Variants in SIGLEC1 observed in about 807,000 individuals in gnomAD.
The protein encoded by SIGLEC1 is sialoadhesin.
A neutral mutation model predicts 148.0 loss-of-function variants in SIGLEC1; 132 were observed. The ratio of observed to expected loss-of-function variants is 0.89; its 90% confidence interval spans 0.77 to 1.03. The LOEUF (loss-of-function observed/expected upper bound fraction) is 1.03, where lower values mean the gene tolerates loss of function less well. SIGLEC1 is among the 50% of genes least tolerant of loss of function. The probability of loss-of-function intolerance (pLI) is 0.00; values close to 1 mark genes in which losing one functional copy is unlikely to be tolerated. For synonymous variants in SIGLEC1, 945 were observed against 969.0 expected, an observed-to-expected ratio of 0.98 and a Z score of 0.46; for missense variants, 2,253 against 2,271.4, an observed-to-expected ratio of 0.99 and a Z score of 0.16.
At position 3,701,506 on chromosome 20, in the gene SIGLEC1, G is replaced by T. The variant is rs530547961; in HGVS notation, c.1364C>A (p.Thr455Asn). The T allele has an allele frequency of 2.5e-6, 4 of 1,614,070 alleles. No homozygotes were observed. The East Asian group carries it at 8.9e-5, about 36-fold the overall frequency. Residue 455 changes from threonine (T) to asparagine (N), a missense_variant, in exon 7 of 22, where the codon ACC (threonine) becomes AAC (asparagine). Coordinates refer to ENST00000344754, the MANE Select transcript of SIGLEC1 (RefSeq NM_023068.4). ...TGGGCTGTGATCACTGTCCCCGGAG[G>T]TGGAGGCCAGGATATGACCCCCATG... ...LSHGGHILAS[T>N]SGDSDHSPRF...
intron 1 of SIGLEC1, among the ~76,000 whole-genome samples, chr20:3,711,567 G>A (rs2146535070): frequency 6.6e-6 from 1 of 152,320 alleles, no homozygotes; most frequent in East Asian, 1.9e-4. Flanking sequence ...AACACAGGGT[G>A]ACATGGCCAG....
chr20:3,704,235 C>T (rs530482779), intron 4 of SIGLEC1, 144 bp from the exon 5 acceptor site: 50 of 767,390 alleles, frequency 6.5e-5, no homozygotes, highest in Non-Finnish European at 1.0e-4. Flanking sequence ...TCACCCAGGG[C>T]ATGCTCTGTC....
Position 3,688,398 on chromosome 20 carries a change from G to T in SIGLEC1, c.*162C>A, listed in dbSNP as rs147888985. The T allele has an allele frequency of 2.6e-5, 18 of 690,262 alleles. No individual in the cohort carries two copies. The highest frequency in any genetic ancestry group is 2.5e-4 in the East Asian group (9 of 35,648). 42.8% of individuals were successfully genotyped at this position (690,262 alleles called of 1,614,324 possible). A position where few individuals can be genotyped will look rare whatever the true frequency, so the allele number is the denominator to read the frequency against. On this transcript the variant is annotated 3_prime_UTR_variant, in exon 22 of 22. Transcript: ENST00000344754. ...GGCAGACCTCTCACCACCCATTTTT[G>T]GGGGGGCAAGAGGCTTGGGGCCAGG... is the stretch of plus-strand genomic sequence containing the variant.
intron 11 of SIGLEC1, among the ~76,000 whole-genome samples, chr20:3,695,694 G>T (rs887649217): frequency 6.6e-6 from 1 of 152,142 alleles, no homozygotes; most frequent in African/African-American, 2.4e-5. Flanking sequence ...CAGAACCAAG[G>T]CTCAAAGTAA....
rs201059549 is a variant in SIGLEC1, at chr20:3,697,781, T to C, written c.2122+17A>G. On this transcript the variant is annotated intron_variant, in intron 9 of 21. Coordinates refer to ENST00000344754, the MANE Select transcript of SIGLEC1 (RefSeq NM_023068.4). ...CCAGCCCCTGCCCCCAGGCCACCCA[T>C]TCCCTGCCTGACTCACCCTGGCCAT... 1,152 of 1,610,210 alleles carry C rather than the reference T, an allele frequency of 7.2e-4. 2 individuals are homozygous for C. In the African/African-American group the frequency reaches 0.013, roughly 18 times the overall value.
At position 3,692,000 on chromosome 20, in the gene SIGLEC1, C is replaced by T. The variant is rs35964604; in HGVS notation, c.4233G>A (p.Leu1411=). 0.028 allele frequency: 45,362 copies of T among 1,613,360 alleles called. 810 individuals carry two copies. Among genetic ancestry groups the T allele is most frequent in the African/African-American group, 0.055 (4,145 of 75,058 alleles). ...HVQVARNALR[L]QVQDVPAGDD... ...CACCTGCAGGCACATCTTGCACCTGCAGCCGTAGGGCGTTTCGGGCCACCT... is the reference window on the plus strand; with the variant it reads ...CACCTGCAGGCACATCTTGCACCTGTAGCCGTAGGGCGTTTCGGGCCACCT... The change falls in exon 17 of 22, where the codon CTG becomes CTA. Residue 1411 remains leucine, a synonymous_variant. Transcript: ENST00000344754.
At position 3,687,583 on chromosome 20, in the gene SIGLEC1, A is replaced by G. The variant is rs1226792512; in HGVS notation, c.*977T>C. The G allele has an allele frequency of 6.6e-6, 1 of 152,200 alleles. No homozygotes were observed. Among genetic ancestry groups the G allele is most frequent in the Admixed American group, 6.5e-5 (1 of 15,276 alleles). The allele number at this position is 152,200 out of a possible 1,614,324, so 9.4% of individuals were successfully genotyped here. A position where few individuals can be genotyped will look rare whatever the true frequency, so the allele number is the denominator to read the frequency against. On this transcript the variant is annotated 3_prime_UTR_variant, in exon 22 of 22. Transcript: ENST00000344754. Reference sequence around the variant, plus strand: ...ATGCTCTCTCCCTAGGAAAACACCAAACCTTTTTTATTTCCTCAGTCTTAG... The same window carrying G: ...ATGCTCTCTCCCTAGGAAAACACCAGACCTTTTTTATTTCCTCAGTCTTAG...
chr20:3,712,367 C>A (rs1458592605), intron 1 of SIGLEC1, among the ~76,000 whole-genome samples, 103 bp downstream of exon 1: 3 of 150,914 alleles, frequency 2.0e-5, no homozygotes, highest in Admixed American at 1.3e-4. Flanking sequence ...CAGATGGAGC[C>A]CCCCCCCGAC....
intron 1 of SIGLEC1, among the ~76,000 whole-genome samples, chr20:3,711,796 C>G (rs1600294244): frequency 2.0e-5 from 3 of 152,324 alleles, no homozygotes; most frequent in Admixed American, 6.5e-5. Flanking sequence ...CTGGAGTGCT[C>G]ACTCTCCAAA....
chr20:3,692,863 C>T lies in SIGLEC1; in HGVS notation c.3777G>A (p.Glu1259=). 1 of 1,608,238 alleles carries T rather than the reference C, an allele frequency of 6.2e-7. No individual in the cohort carries two copies. The highest frequency in any genetic ancestry group is 8.5e-7 in the Non-Finnish European group (1 of 1,178,116). Residue 1259 remains glutamate (E), a splice_region_variant and synonymous_variant, in exon 15 of 22, where the codon GAG becomes GAA. Coordinates refer to ENST00000344754, the MANE Select transcript of SIGLEC1 (RefSeq NM_023068.4). Reference sequence around the variant, plus strand: ...GGCTTGGCCTAGGCCCTGCCTTACCCTCCAGCCGCAGCTCCAGGGACGTGT... The same window carrying T: ...GGCTTGGCCTAGGCCCTGCCTTACCTTCCAGCCGCAGCTCCAGGGACGTGT... ...QANTSLELRL[E]GVRVILAPEA...
At chr20:3,688,740 A>T in intron 21 of SIGLEC1, 121 bp from the exon 22 acceptor site, 1 of 727,856 alleles carries the variant, frequency 1.4e-6, no homozygotes, top group Non-Finnish European at 2.3e-6. Context: ...TGGAAGTGTG[A>T]CTTGGAGCCC....
At position 3,693,377 on chromosome 20, in the gene SIGLEC1, C is replaced by T. The variant is rs573012751; in HGVS notation, c.3508+70G>A. The T allele has an allele frequency of 6.5e-4, 974 of 1,488,508 alleles. 11 individuals are homozygous for T. The East Asian group carries it at 0.013, about 19-fold the overall frequency. The allele number at this position is 1,488,508 out of a possible 1,614,324, so 92.2% of individuals were successfully genotyped here. On this transcript the variant is annotated intron_variant, in intron 14 of 21. Transcript: ENST00000344754. ...TCCCCACTGGACACCTGTCGGGTTC[C>T]GGCCATGCCGTGATCCCTGTGGGCT...
At chr20:3,689,077 T>A in intron 21 of SIGLEC1, 78 bp downstream of exon 21, 3 of 1,255,150 alleles carry the variant, frequency 2.4e-6, no homozygotes, top group Non-Finnish European at 3.5e-6. Context: ...ATCCTCTAAA[T>A]GACAGCAGTC....
intron 6 of SIGLEC1, 109 bp from the exon 7 acceptor site, chr20:3,701,750 G>T: frequency 9.5e-7 from 1 of 1,051,134 alleles, no homozygotes. Flanking sequence ...TGCCCTGTGA[G>T]AAGGGGGTGA....
rs1465535792 is a variant in SIGLEC1 at position 3,697,383 on chromosome 20, C to G, written c.2123-41G>C. The G allele has an allele frequency of 5.0e-6, 8 of 1,607,960 alleles. No individual in the cohort carries two copies. The African/African-American group carries it at 1.1e-4, about 21-fold the overall frequency. On this transcript the variant is annotated intron_variant, in intron 9 of 21. Coordinates refer to ENST00000344754, the MANE Select transcript of SIGLEC1 (RefSeq NM_023068.4). ...CACAGCTTACTGACCACCCCCGGCC[C>G]CCAGGAGCCAGGGGTCCAGCCGCCC...
chr20:3,705,804 G>T lies in SIGLEC1; in HGVS notation c.646C>A (p.Arg216Ser), dbSNP rs772610881. Residue 216 changes from arginine (R) to serine (S), a missense_variant, in exon 4 of 22, where the codon CGC becomes AGC. Coordinates refer to ENST00000344754, the MANE Select transcript of SIGLEC1 (RefSeq NM_023068.4). The stretch of plus-strand genomic sequence containing the variant: ...TGATTGGCCACGGAGAGCTGGCAGC[G>T]CAGGATCCGGCCGTGGTCCTGCCAG... ...MSWQDHGRIL[R>S]CQLSVANHRA... 1.2e-6 allele frequency: 2 copies of T among 1,613,882 alleles called. No individual in the cohort carries two copies. Among genetic ancestry groups the T allele is most frequent in the South Asian group, 1.1e-5 (1 of 91,074 alleles).
In SIGLEC1 at chr20:3,693,537, T is replaced by C. The variant is rs1296589707; in HGVS notation, c.3418A>G (p.Thr1140Ala). The C allele has an allele frequency of 3.1e-6, 5 of 1,612,020 alleles. No individual in the cohort carries two copies. The highest frequency in any genetic ancestry group is 1.3e-5 in the African/African-American group (1 of 75,028). The change falls in exon 14 of 22, where the codon ACA becomes GCA. Residue 1140 changes from threonine to alanine, a missense_variant. By Grantham distance (58) the Thr-to-Ala change is moderately conservative. Transcript: ENST00000344754. ...CGGTAGGAGGTGGCATCCCTGACTG[T>C]GACGTTGGGCAGGGGGATGGAGTGG... ...DAHSIPLPNV[T>A]VRDATSYRCG...
In SIGLEC1 at chr20:3,706,366, G is replaced by GCCTTTCA. The variant is rs1209626877; in HGVS notation, c.383_389dup (p.Thr131GlufsTer64). ...TATCACCTGTTACTGTGACCAAGGT[G>GCCTTTCA]CCTTTCACATCTGACCAGCGGTTGA... On this transcript the variant is annotated frameshift_variant, in exon 3 of 22. Transcript: ENST00000344754. LOFTEE classifies it high-confidence loss of function. The GCCTTTCA allele has an allele frequency of 6.2e-6, 10 of 1,611,228 alleles. No individual in the cohort carries two copies. Among genetic ancestry groups the GCCTTTCA allele is most frequent in the Non-Finnish European group, 8.5e-6 (10 of 1,178,318 alleles).
At position 3,703,933 on chromosome 20, in the gene SIGLEC1, C is replaced by T. The variant is rs1450353629; in HGVS notation, c.865G>A (p.Val289Met). 6.2e-7 allele frequency: 1 copy of T among 1,613,816 alleles called. No homozygotes were observed. Among genetic ancestry groups the T allele is most frequent in the Non-Finnish European group, 8.5e-7 (1 of 1,179,884 alleles). Residue 289 changes from valine (V) to methionine (M), a missense_variant, in exon 5 of 22, where the codon GTG becomes ATG. Physicochemically the swap from Val to Met is conservative, Grantham distance 21. Coordinates refer to ENST00000344754, the MANE Select transcript of SIGLEC1 (RefSeq NM_023068.4). Reference protein sequence around the residue: ...DGVRLQTKTGVLHLPQAAWSD... With the variant: ...DGVRLQTKTGMLHLPQAAWSD... ...CAGGCTGCCTGGGGCAGGTGCAGCACACCAGTCTTGGTTTGGAGGCGTACC... is the reference window on the plus strand; with the variant it reads ...CAGGCTGCCTGGGGCAGGTGCAGCATACCAGTCTTGGTTTGGAGGCGTACC...
Sources: gnomAD v4.1 joint callset for allele counts (sites outside exome capture counted in the v4.1 genomes callset) on GRCh38, gnomAD v4.1.1 for gene constraint, MANE v1.5 for transcripts, NCBI Gene and HGNC (gene_info 2026-07-23, HGNC 2026-07-21) for gene names.